DNAH11: variants seen among roughly 807,000 people sequenced by gnomAD.
The protein encoded by DNAH11 is axonemal beta dynein heavy chain 11.
A neutral mutation model predicts 526.0 loss-of-function variants in DNAH11; 442 were observed. That is an observed-to-expected ratio of 0.84 (90% CI 0.78 to 0.91). The LOEUF (loss-of-function observed/expected upper bound fraction) is 0.91, where lower values mean the gene tolerates loss of function less well. DNAH11 is among the 40% of genes least tolerant of loss of function. The pLI is 0.00. For synonymous variants in DNAH11, 2,461 were observed against 1,935.9 expected, an observed-to-expected ratio of 1.27 and a Z score of -7.12; for missense variants, 6,989 against 5,448.7, an observed-to-expected ratio of 1.28 and a Z score of -8.90.
In DNAH11 at chr7:21,707,772, C is replaced by A; in HGVS notation, c.6620C>A (p.Ala2207Asp). 1 of 1,613,034 alleles carries A rather than the reference C, an allele frequency of 6.2e-7. No homozygotes were observed. Among genetic ancestry groups the A allele is most frequent in the Non-Finnish European group, 8.5e-7 (1 of 1,179,476 alleles). ...KPVWNDLNPK[A>D]VTTDELFGFI... ...GTTTGGAATGACTTAAACCCTAAAG[C>A]TGTGACAACAGATGAACTCTTTGGT... is the stretch of plus-strand genomic sequence containing the variant. Residue 2207 changes from alanine (A) to aspartate (D), a missense_variant, in exon 40 of 82, where the codon GCT becomes GAT. Coordinates refer to ENST00000409508, the MANE Select transcript of DNAH11 (RefSeq NM_001277115.2).
intron 65 of DNAH11, among the ~76,000 whole-genome samples, chr7:21,825,844 A>C (rs977583682): frequency 1.3e-5 from 2 of 152,104 alleles, no homozygotes; most frequent in Admixed American, 1.3e-4. Flanking sequence ...CTGTAGTCCC[A>C]GCTACTCGGG....
chr7:21,655,730 A>C (rs1445999321), intron 28 of DNAH11, 102 bp from the exon 29 acceptor site: 18 of 1,190,328 alleles, frequency 1.5e-5, no homozygotes, highest in Non-Finnish European at 2.0e-5. Context: ...AGACAACTCT[A>C]ACTCCATAAC....
rs566367592 is a variant in DNAH11, at chr7:21,786,689, C to T, written c.9663C>T (p.Ala3221=). The T allele has an allele frequency of 3.0e-5, 49 of 1,613,792 alleles. No homozygotes were observed. Among genetic ancestry groups the T allele is most frequent in the East Asian group, 2.7e-4 (12 of 44,884 alleles). ...TCGCAGTTACCAATGTTACTGCAGC[C>T]GTGATGGTCCTTCTGGCTCCTCGGG... The part of the protein sequence containing the change: ...PPIAVTNVTA[A]VMVLLAPRGR... The change falls in exon 59 of 82, where the codon GCC becomes GCT. Residue 3221 remains alanine, a synonymous_variant. Transcript: ENST00000409508.
intron 6 of DNAH11, among the ~76,000 whole-genome samples, chr7:21,565,241 G>A (rs567927480): frequency 1.3e-5 from 2 of 151,826 alleles, no homozygotes; most frequent in Non-Finnish European, 2.9e-5. Flanking sequence ...CCTTCTCACT[G>A]TGTCCTCACT....
chr7:21,812,065 T>G (rs1448099325), intron 63 of DNAH11, among the ~76,000 whole-genome samples: 1 of 152,108 alleles, frequency 6.6e-6, no homozygotes, highest in African/African-American at 2.4e-5. Context: ...CTCCCCCAAT[T>G]CCCCCAACTG....
At chr7:21,900,281 G>T (rs918517158) in intron 81 of DNAH11, among the ~76,000 whole-genome samples, 161 bp downstream of exon 81, 3 of 141,450 alleles carry the variant, frequency 2.1e-5, no homozygotes, top group Non-Finnish European at 4.8e-5. Context: ...GTGCTGGGAT[G>T]TGTGTCCACT....
intron 30 of DNAH11, among the ~76,000 whole-genome samples, chr7:21,662,762 A>G (rs1041909514): frequency 2.0e-5 from 3 of 151,890 alleles, no homozygotes; most frequent in Non-Finnish European, 2.9e-5. Flanking sequence ...CAAACCTTCT[A>G]CCCCTCAGCC....
chr7:21,566,000 C>T (rs900856404), intron 6 of DNAH11, among the ~76,000 whole-genome samples: 1 of 152,190 alleles, frequency 6.6e-6, no homozygotes, highest in Non-Finnish European at 1.5e-5. Flanking sequence ...TGGCGCGGGT[C>T]TCTATGTAAA....
chr7:21,584,899 A>G (rs1583502628), intron 9 of DNAH11, among the ~76,000 whole-genome samples: 1 of 151,920 alleles, frequency 6.6e-6, no homozygotes, highest in South Asian at 2.1e-4. Flanking sequence ...ATAGTCTATC[A>G]TATTCTTTGC....
In DNAH11 at chr7:21,601,523, G is replaced by A. The variant is rs1785086812; in HGVS notation, c.3553G>A (p.Ala1185Thr). ...TCTGGCTGTAAGAAGCCGACAGAGA[G>A]CTACTGATGAACTCTTTGAACCTCT... ...HLLAVRSRQRATDELFEPLKE... is the reference protein window; with the variant it reads ...HLLAVRSRQRTTDELFEPLKE... Residue 1185 changes from alanine (A) to threonine (T), a missense_variant, in exon 18 of 82, where the codon GCT (alanine) becomes ACT (threonine). By Grantham distance (58) the Ala-to-Thr change is moderately conservative. Coordinates refer to ENST00000409508, the MANE Select transcript of DNAH11 (RefSeq NM_001277115.2). 6.2e-7 allele frequency: 1 copy of A among 1,613,586 alleles called. No homozygotes were observed. Among genetic ancestry groups the A allele is most frequent in the Non-Finnish European group, 8.5e-7 (1 of 1,179,772 alleles).
At chr7:21,738,528 G>A (rs939059511) in intron 46 of DNAH11, among the ~76,000 whole-genome samples, 173 bp from the exon 47 acceptor site, 7 of 152,140 alleles carry the variant, frequency 4.6e-5, no homozygotes, top group Admixed American at 2.0e-4. Flanking sequence ...AGGAGAGCAC[G>A]ACACAAAAGG....
chr7:21,595,490 A>G (rs1251778179), intron 14 of DNAH11, among the ~76,000 whole-genome samples: 1 of 152,246 alleles, frequency 6.6e-6, no homozygotes, highest in Non-Finnish European at 1.5e-5. Context: ...AGAGTTTCCC[A>G]AAGACTGGAT....
Position 21,601,406 on chromosome 7 carries a change from C to G in DNAH11, c.3436C>G (p.Leu1146Val), listed in dbSNP as rs1350919056. 6.2e-7 allele frequency: 1 copy of G among 1,611,736 alleles called. No homozygotes were observed. The highest frequency in any genetic ancestry group is 8.5e-7 in the Non-Finnish European group (1 of 1,178,858). ...ATATATATTTAATAGTCTGAATGAG[C>G]TACAAGAATTTATAAAGGAGACAGA... ...LRFVIDSLNE[L>V]QEFIKETDSG... The change falls in exon 18 of 82, where the codon CTA becomes GTA. Residue 1146 changes from leucine to valine, a missense_variant. Leu to Val is a conservative substitution (Grantham distance 32). Transcript: ENST00000409508.
intron 66 of DNAH11, among the ~76,000 whole-genome samples, chr7:21,850,968 A>G (rs1402191079): frequency 4.6e-5 from 7 of 152,174 alleles, no homozygotes; most frequent in African/African-American, 1.7e-4. Context: ...TCTTATAATT[A>G]CATCTCAGGG....
At chr7:21,749,560 A>G in intron 52 of DNAH11, 118 bp from the exon 53 acceptor site, 1 of 1,343,332 alleles carries the variant, frequency 7.4e-7, no homozygotes, top group Non-Finnish European at 1.0e-6. Context: ...AAACCAGGGA[A>G]AGGCACCCCA....
intron 35 of DNAH11, among the ~76,000 whole-genome samples, chr7:21,693,924 C>T (rs144704835): frequency 6.6e-6 from 1 of 152,184 alleles, no homozygotes; most frequent in Non-Finnish European, 1.5e-5. Context: ...GCAAGCATGT[C>T]TTACAAGGTG....
At position 21,805,620 on chromosome 7, in the gene DNAH11, A is replaced by G. The variant is rs142101152; in HGVS notation, c.10166-2263A>G. Among the ~76,000 whole-genome samples, 716 of 152,302 alleles carry G rather than the reference A, an allele frequency of 4.7e-3. 6 individuals are homozygous for G. The highest frequency in any genetic ancestry group is 0.017 in the African/African-American group (694 of 41,572). ...TGAGGTACCTGAGAAAAACTGTTAT[A>G]TAATTAGACTGTTTTCCGGGACTAG... On this transcript the variant is annotated intron_variant, in intron 62 of 81. Coordinates refer to ENST00000409508, the MANE Select transcript of DNAH11 (RefSeq NM_001277115.2).
chr7:21,642,253 T>C (rs1406012405), intron 28 of DNAH11, among the ~76,000 whole-genome samples: 2 of 127,718 alleles, frequency 1.6e-5, no homozygotes, highest in Non-Finnish European at 3.0e-5. Context: ...ACTAAAGGTC[T>C]ATCATTAGAA....
At chr7:21,833,309 A>G (rs974283829) in intron 65 of DNAH11, among the ~76,000 whole-genome samples, 3 of 152,218 alleles carry the variant, frequency 2.0e-5, no homozygotes, top group African/African-American at 7.2e-5. Flanking sequence ...ACAACCTGAA[A>G]TGATAGAAGG....
Sources: allele counts gnomAD v4.1 joint callset (sites outside exome capture counted in the v4.1 genomes callset), GRCh38; gene constraint gnomAD v4.1.1; transcripts MANE v1.5; gene names NCBI Gene and HGNC (gene_info 2026-07-23, HGNC 2026-07-21).